The following MAF variants were observed in gnomAD, a reference collection of about 807,000 sequenced individuals.
The protein encoded by MAF is MAF bZIP transcription factor.
MAF carries 10 observed loss-of-function variants against 22.0 expected under a neutral mutation model. The observed-to-expected ratio is 0.45, with a 90% CI of 0.28 to 0.77. MAF has a LOEUF of 0.77. Among genes scored for constraint, MAF ranks in the 30% least tolerant of loss-of-function variants. The probability of loss-of-function intolerance (pLI) is 0.12; values close to 1 mark genes in which losing one functional copy is unlikely to be tolerated. For missense variants in MAF, 544 were observed against 548.4 expected, an observed-to-expected ratio of 0.99 and a Z score of 0.08; for synonymous variants, 337 against 255.8, an observed-to-expected ratio of 1.32 and a Z score of -3.03.
the MAF span, among the ~76,000 whole-genome samples, chr16:79,240,487 GAAAAAAAAAAAAAAAAAAAAAAA>G: frequency 2.8e-4 from 17 of 60,736 alleles, no homozygotes; most frequent in East Asian, 1.0e-3. Context: ...AGCATCTCTG[GAAAAAAAAAAAAAAAAAAAAAAA>G]AAAAAAAAAA....
the MAF span, among the ~76,000 whole-genome samples, chr16:79,225,086 G>A: frequency 1.3e-5 from 2 of 152,130 alleles, no homozygotes; most frequent in African/African-American, 2.4e-5. Flanking sequence ...CAAAGCTGGA[G>A]GCATCATGCT....
At chr16:79,376,967 A>G in the MAF span, among the ~76,000 whole-genome samples, 1 of 152,212 alleles carries the variant, frequency 6.6e-6, no homozygotes, top group Non-Finnish European at 1.5e-5. Context: ...TGTTGTGAAT[A>G]GTGCCACAAT....
At chr16:79,284,003 GTGAT>G in the MAF span, among the ~76,000 whole-genome samples, 132,757 of 145,684 alleles carry the variant, frequency 0.91, 60,544 homozygotes, top group East Asian at 1. Flanking sequence ...CCCCATAGTA[GTGAT>G]TGATGGCAGA....
At chr16:79,206,485 C>T in the MAF span, 3 of 152,216 alleles carry the variant, frequency 2.0e-5, no homozygotes, top group Non-Finnish European at 2.9e-5. Flanking sequence ...GTCCCTGGCT[C>T]ATAGAGCTCT....
chr16:79,569,414 G>T, the MAF span, among the ~76,000 whole-genome samples: 3 of 152,162 alleles, frequency 2.0e-5, no homozygotes, highest in Admixed American at 2.0e-4. Context: ...GCTGGGGATG[G>T]GATGTGGTCT....
At chr16:79,206,539 C>A in the MAF span, 59,928 of 152,036 alleles carry the variant, frequency 0.39, 14,069 homozygotes, top group Non-Finnish European at 0.54. Flanking sequence ...CCATGCAGAG[C>A]CTGGCAAATC....
the MAF span, among the ~76,000 whole-genome samples, chr16:79,491,885 G>A: frequency 3.9e-5 from 6 of 152,050 alleles, no homozygotes; most frequent in Admixed American, 1.3e-4. Flanking sequence ...GACCTACTCC[G>A]GCTGTGAGTG....
chr16:79,546,013 CA>C, the MAF span, among the ~76,000 whole-genome samples: 2 of 151,492 alleles, frequency 1.3e-5, no homozygotes, highest in Non-Finnish European at 2.9e-5. Flanking sequence ...CATTATACAC[CA>C]TAAATATATA....
the MAF span, among the ~76,000 whole-genome samples, chr16:79,308,839 C>A: frequency 6.6e-6 from 1 of 152,136 alleles, no homozygotes; most frequent in African/African-American, 2.4e-5. Flanking sequence ...TGGGTCCTCT[C>A]CATGGTCCAC....
At chr16:79,485,354 C>T in the MAF span, among the ~76,000 whole-genome samples, 1 of 152,254 alleles carries the variant, frequency 6.6e-6, no homozygotes, top group South Asian at 2.1e-4. Flanking sequence ...ACAGGAAGTA[C>T]TGCTCTTTCC....
At chr16:79,451,983 G>A in the MAF span, among the ~76,000 whole-genome samples, 2 of 123,282 alleles carry the variant, frequency 1.6e-5, no homozygotes, top group Non-Finnish European at 3.4e-5. Context: ...TATTCTGCAG[G>A]AGTCCGCAAA....
the MAF span, among the ~76,000 whole-genome samples, chr16:79,353,882 T>C: frequency 6.6e-6 from 1 of 152,226 alleles, no homozygotes; most frequent in Admixed American, 6.5e-5. Flanking sequence ...CCTCCTTCAG[T>C]GTTTTCTAGA....
At position 79,600,583 on chromosome 16, in the gene MAF, AG is replaced by A. The variant is rs1913984835; in HGVS notation, c.-682del. 5.1e-6 allele frequency: 1 copy of A among 195,402 alleles called. No homozygotes were observed. Among genetic ancestry groups the A allele is most frequent in the African/African-American group, 2.4e-5 (1 of 41,982 alleles). 12.1% of individuals were successfully genotyped at this position (195,402 alleles called of 1,614,324 possible). On this transcript the variant is annotated 5_prime_UTR_variant, in exon 1 of 2. Transcript: ENST00000326043. Reference sequence around the variant, plus strand: ...CTGGAGGAGAGGGAGGGGGGAGTTTAGTTCTTTCTTGCCTTTTTTTAAAAAA... The same window carrying A: ...CTGGAGGAGAGGGAGGGGGGAGTTTATTCTTTCTTGCCTTTTTTTAAAAAA...
chr16:79,222,187 A>G, the MAF span, among the ~76,000 whole-genome samples: 4 of 152,214 alleles, frequency 2.6e-5, no homozygotes, highest in African/African-American at 9.6e-5. Flanking sequence ...AATTTTCAAC[A>G]TTATTAAAGA....
chr16:79,366,961 T>G, the MAF span, among the ~76,000 whole-genome samples: 8 of 152,324 alleles, frequency 5.3e-5, no homozygotes, highest in South Asian at 1.7e-3. Context: ...AAGTGCCCCA[T>G]CTGTAAATAT....
chr16:79,401,060 G>T, the MAF span, among the ~76,000 whole-genome samples: 1 of 152,174 alleles, frequency 6.6e-6, no homozygotes, highest in Non-Finnish European at 1.5e-5. Flanking sequence ...CCAGGAAGTG[G>T]TGAGGTCGGC....
At chr16:79,438,924 T>C in the MAF span, among the ~76,000 whole-genome samples, 4 of 152,208 alleles carry the variant, frequency 2.6e-5, no homozygotes, top group Admixed American at 2.6e-4. Context: ...GAATTAATTA[T>C]TGTCCTCATC....
chr16:79,312,970 G>C, the MAF span, among the ~76,000 whole-genome samples: 1 of 152,212 alleles, frequency 6.6e-6, no homozygotes, highest in Admixed American at 6.5e-5. Flanking sequence ...GATGAGATGG[G>C]GACAGTGGAG....
At chr16:79,556,028 TAGTTTGTTTA>T in the MAF span, among the ~76,000 whole-genome samples, 1 of 152,064 alleles carries the variant, frequency 6.6e-6, no homozygotes, top group African/African-American at 2.4e-5. Flanking sequence ...TAGTTTAGTT[TAGTTTGTTTA>T]GTTTAGTTTA....
Sources: allele counts gnomAD v4.1 joint callset (sites outside exome capture counted in the v4.1 genomes callset), GRCh38; gene constraint gnomAD v4.1.1; transcripts MANE v1.5; gene names NCBI Gene and HGNC (gene_info 2026-07-23, HGNC 2026-07-21).